Variants in ADAMTSL1 observed in about 807,000 individuals in gnomAD.
ADAMTSL1 encodes the protein ADAMTS-like protein 1.
In ADAMTSL1, 126 loss-of-function variants were observed where a neutral mutation model predicts 201.8. The ratio of observed to expected loss-of-function variants is 0.62; its 90% CI spans 0.54 to 0.72. ADAMTSL1 has a LOEUF of 0.72. ADAMTSL1 is among the 30% of genes least tolerant of loss of function. The pLI is 0.00. For missense variants in ADAMTSL1, 2,679 were observed against 2,277.8 expected (o/e 1.18, Z -3.59); for synonymous variants, 1,121 against 903.4 (o/e 1.24, Z -4.32).
At chr9:18,067,642 T>C (rs1034463785) in intron 1 of ADAMTSL1, among the ~76,000 whole-genome samples, 1 of 152,174 alleles carries the variant, frequency 6.6e-6, no homozygotes, top group Admixed American at 6.5e-5. Context: ...ACAGTCAGGA[T>C]GGAGGGGCGG....
chr9:18,577,158 C>A (rs1250683550), intron 4 of ADAMTSL1, among the ~76,000 whole-genome samples: 2 of 152,070 alleles, frequency 1.3e-5, no homozygotes, highest in Non-Finnish European at 2.9e-5. Context: ...GATTCACTTA[C>A]AGATTGGAAA....
intron 1 of ADAMTSL1, among the ~76,000 whole-genome samples, chr9:18,153,718 A>G (rs1827024047): frequency 6.6e-6 from 1 of 152,074 alleles, no homozygotes; most frequent in African/African-American, 2.4e-5. Flanking sequence ...TTAGAATTAC[A>G]TAAAGAAGTA....
intron 7 of ADAMTSL1, among the ~76,000 whole-genome samples, chr9:18,656,268 TAG>T (rs1411478978): frequency 6.6e-6 from 1 of 151,464 alleles, no homozygotes; most frequent in African/African-American, 2.4e-5. Flanking sequence ...AGCACAGAAA[TAG>T]GGCTATTTTT....
At chr9:18,846,742 A>G (rs1384542034) in intron 23 of ADAMTSL1, among the ~76,000 whole-genome samples, 2 of 152,210 alleles carry the variant, frequency 1.3e-5, no homozygotes, top group East Asian at 1.9e-4. Flanking sequence ...TGTGGCATAA[A>G]GTACAGAGGT....
chr9:18,070,874 A>G (rs574451682), intron 1 of ADAMTSL1, among the ~76,000 whole-genome samples: 2 of 152,304 alleles, frequency 1.3e-5, no homozygotes, highest in East Asian at 3.9e-4. Context: ...CTGCACAGCT[A>G]GTGGCATCAA....
At chr9:18,034,109 A>G (rs1380853155) in intron 1 of ADAMTSL1, among the ~76,000 whole-genome samples, 2 of 152,068 alleles carry the variant, frequency 1.3e-5, no homozygotes, top group East Asian at 1.9e-4. Context: ...CTCATTTTCT[A>G]CAAGCATACT....
rs1818573999 is a variant in ADAMTSL1, at chr9:18,737,343, A to AAAAAAAT, written c.2006+15678_2006+15679insAAAAAAT. On this transcript the variant is annotated intron_variant, in intron 15 of 28. Transcript: ENST00000380548. The stretch of plus-strand genomic sequence containing the variant: ...TCAAAAAAAAAAAAAAAAAAAAAAA[A>AAAAAAAT]GTGAAGTACAAGGAAGACTTCCACT... Among the ~76,000 whole-genome samples, 12 of 149,160 alleles carry AAAAAAAT rather than the reference A, an allele frequency of 8.0e-5. 1 individual carries two copies. Among genetic ancestry groups the AAAAAAAT allele is most frequent in the South Asian group, 6.3e-4 (3 of 4,730 alleles).
chr9:18,211,808 T>A (rs184036728), intron 2 of ADAMTSL1, among the ~76,000 whole-genome samples: 7 of 152,330 alleles, frequency 4.6e-5, no homozygotes, highest in Non-Finnish European at 1.0e-4. Flanking sequence ...AAATGTTCCA[T>A]TGAAAATCAG....
intron 2 of ADAMTSL1, among the ~76,000 whole-genome samples, chr9:18,296,674 A>G (rs1034322876): frequency 5.9e-5 from 9 of 152,208 alleles, no homozygotes; most frequent in South Asian, 2.1e-4. Flanking sequence ...TAGAACAATG[A>G]GTTTAGTTCC....
chr9:18,379,295 C>T (rs554549805), intron 2 of ADAMTSL1, among the ~76,000 whole-genome samples: 3 of 152,144 alleles, frequency 2.0e-5, no homozygotes, highest in Non-Finnish European at 4.4e-5. Flanking sequence ...TTTGTGAGAT[C>T]GAGAGATTCC....
intron 2 of ADAMTSL1, among the ~76,000 whole-genome samples, chr9:18,456,089 G>A (rs1369190099): frequency 6.6e-6 from 1 of 152,058 alleles, no homozygotes; most frequent in African/African-American, 2.4e-5. Flanking sequence ...TCCTCACCAA[G>A]ATAAATAATC....
intron 2 of ADAMTSL1, among the ~76,000 whole-genome samples, chr9:18,283,380 G>A (rs748694075): frequency 6.6e-6 from 1 of 151,478 alleles, no homozygotes; most frequent in Non-Finnish European, 1.5e-5. Context: ...CAAGGCAGGA[G>A]GATCACTTAA....
chr9:18,563,792 G>A (rs1014082868), intron 3 of ADAMTSL1, among the ~76,000 whole-genome samples: 2 of 152,154 alleles, frequency 1.3e-5, no homozygotes, highest in African/African-American at 4.8e-5. Context: ...TCAAACCTCC[G>A]GGGGCTTTGT....
At chr9:18,046,376 T>G (rs1270393618) in intron 1 of ADAMTSL1, among the ~76,000 whole-genome samples, 1 of 152,168 alleles carries the variant, frequency 6.6e-6, no homozygotes, top group Non-Finnish European at 1.5e-5. Flanking sequence ...CCAGCATTGC[T>G]CATCCCACAT....
At chr9:18,654,178 G>A (rs1241334742) in intron 7 of ADAMTSL1, among the ~76,000 whole-genome samples, 2 of 152,234 alleles carry the variant, frequency 1.3e-5, no homozygotes, top group African/African-American at 2.4e-5. Flanking sequence ...GCAGTGAGCT[G>A]AGATCACGCC....
chr9:18,559,661 GT>G (rs1263535374), intron 3 of ADAMTSL1, among the ~76,000 whole-genome samples: 4 of 152,140 alleles, frequency 2.6e-5, no homozygotes, highest in Non-Finnish European at 5.9e-5. Flanking sequence ...TTTTCCATTT[GT>G]TTGTGTCTTC....
intron 23 of ADAMTSL1, among the ~76,000 whole-genome samples, chr9:18,863,137 G>A (rs1197841284): frequency 6.6e-6 from 1 of 152,184 alleles, no homozygotes; most frequent in Non-Finnish European, 1.5e-5. Flanking sequence ...TTTCATAGTT[G>A]TGTGTGCAAA....
At chr9:18,280,163 T>C (rs945423957) in intron 2 of ADAMTSL1, among the ~76,000 whole-genome samples, 1 of 151,754 alleles carries the variant, frequency 6.6e-6, no homozygotes, top group African/African-American at 2.4e-5. Flanking sequence ...GGAAAATGTA[T>C]CTGAGGTGGC....
chr9:18,640,484 A>G (rs1827369989), intron 7 of ADAMTSL1, among the ~76,000 whole-genome samples: 1 of 152,100 alleles, frequency 6.6e-6, no homozygotes, highest in Admixed American at 6.6e-5. Flanking sequence ...TACTGAAATT[A>G]TATAACTGGA....
Sources: gnomAD v4.1 joint callset for allele counts (sites outside exome capture counted in the v4.1 genomes callset) on GRCh38, gnomAD v4.1.1 for gene constraint, MANE v1.5 for transcripts, NCBI Gene and HGNC (gene_info 2026-07-23, HGNC 2026-07-21) for gene names.